Variants in METTL14 observed in about 807,000 individuals in gnomAD.
METTL14 encodes N(6)-adenosine-methyltransferase non-catalytic subunit METTL14.
Under a neutral mutation model 62.4 loss-of-function variants are expected in METTL14, and 32 were observed. That is an observed-to-expected ratio of 0.51 (90% confidence interval 0.39 to 0.69). METTL14 has a LOEUF of 0.69. Among genes scored for constraint, METTL14 ranks in the 30% least tolerant of loss-of-function variants. The pLI, the probability that METTL14 is intolerant of heterozygous loss-of-function variation, is 0.00. For missense variants in METTL14, 340 were observed against 551.9 expected (o/e 0.62, Z 3.85); for synonymous variants, 150 against 180.0 (o/e 0.83, Z 1.34).
At chr4:118,709,645 T>C (rs1453471387) in intron 10 of METTL14, among the ~76,000 whole-genome samples, 1 of 152,162 alleles carries the variant, frequency 6.6e-6, no homozygotes, top group Non-Finnish European at 1.5e-5. Context: ...AATCAGAAAA[T>C]GGCACCATTT....
chr4:118,701,980 A>T (rs1270855810), intron 8 of METTL14, among the ~76,000 whole-genome samples: 2 of 152,138 alleles, frequency 1.3e-5, no homozygotes, highest in African/African-American at 4.8e-5. Context: ...GCTCTTCAAG[A>T]TGCTATAGAA....
intron 10 of METTL14, among the ~76,000 whole-genome samples, chr4:118,709,581 CTG>C (rs1340128625): frequency 6.6e-6 from 1 of 152,106 alleles, no homozygotes; most frequent in Non-Finnish European, 1.5e-5. Context: ...GACCTATCAA[CTG>C]AGAATATTTT....
At position 118,693,304 on chromosome 4, in the gene METTL14, A is replaced by T. The variant is rs541513723; in HGVS notation, c.413-1132A>T. On this transcript the variant is annotated intron_variant, in intron 5 of 10. Transcript: ENST00000388822. Reference sequence around the variant, plus strand: ...ATATCTTTTTTAGAGAAATATCCTAATACTTTGTGTATTTTTAAATTATTT... The same window carrying T: ...ATATCTTTTTTAGAGAAATATCCTATTACTTTGTGTATTTTTAAATTATTT... Among the ~76,000 whole-genome samples the T allele has an allele frequency of 1.1e-4, 16 of 152,216 alleles. No homozygotes were observed. In the East Asian group the frequency reaches 3.1e-3, roughly 29 times the overall value.
chr4:118,706,052 C>T (rs533190772), intron 10 of METTL14, among the ~76,000 whole-genome samples: 1 of 152,296 alleles, frequency 6.6e-6, no homozygotes, highest in South Asian at 2.1e-4. Flanking sequence ...CAGTATCTCC[C>T]AACAGAGTGG....
At chr4:118,708,722 C>T (rs929018393) in intron 10 of METTL14, among the ~76,000 whole-genome samples, 1 of 152,044 alleles carries the variant, frequency 6.6e-6, no homozygotes, top group Non-Finnish European at 1.5e-5. Flanking sequence ...AAGAAATAAC[C>T]TAAGGATGAT....
intron 1 of METTL14, among the ~76,000 whole-genome samples, chr4:118,687,241 T>C (rs887601341): frequency 2.0e-5 from 3 of 152,248 alleles, no homozygotes; most frequent in African/African-American, 7.2e-5. Flanking sequence ...TATTACTTAC[T>C]GGTTGAGCAT....
Position 118,711,680 on chromosome 4 carries a change from C to T in METTL14, c.*1378C>T, listed in dbSNP as rs530040552. On this transcript the variant is annotated 3_prime_UTR_variant, in exon 11 of 11. Coordinates refer to ENST00000388822, the MANE Select transcript of METTL14 (RefSeq NM_020961.4). The stretch of plus-strand genomic sequence containing the variant: ...CCTTAAAAGCCTAATTAATTTAACT[C>T]GCTTAACCCATTAGTACTATCTAGT... 10 of 152,172 alleles carry T rather than the reference C, an allele frequency of 6.6e-5. No individual in the cohort carries two copies. Among genetic ancestry groups the T allele is most frequent in the Admixed American group, 2.6e-4 (4 of 15,278 alleles). The allele number at this position is 152,172 out of a possible 1,614,324, so 9.4% of individuals were successfully genotyped here.
intron 8 of METTL14, 37 bp downstream of exon 8, chr4:118,700,679 A>G: frequency 6.9e-7 from 1 of 1,449,984 alleles, no homozygotes; most frequent in Non-Finnish European, 9.5e-7. Flanking sequence ...TTTTTAAATT[A>G]ATAAGAAAAA....
At chr4:118,699,534 T>C (rs1269027646) in intron 7 of METTL14, among the ~76,000 whole-genome samples, 2 of 152,290 alleles carry the variant, frequency 1.3e-5, no homozygotes, top group East Asian at 3.9e-4. Context: ...CTCATTAAAG[T>C]TGAATATTAA....
chr4:118,685,863 C>G (rs931585398), intron 1 of METTL14, among the ~76,000 whole-genome samples: 1 of 152,132 alleles, frequency 6.6e-6, no homozygotes, highest in Non-Finnish European at 1.5e-5. Flanking sequence ...GAACTCCCAC[C>G]GAGTGTCTGG....
intron 10 of METTL14, among the ~76,000 whole-genome samples, chr4:118,708,576 A>G (rs34815643): frequency 3.2e-4 from 48 of 152,212 alleles, no homozygotes; most frequent in Non-Finnish European, 5.9e-4. Context: ...TACTGTATTC[A>G]TGCACTTTTA....
At chr4:118,688,530 T>C (rs1724147441) in intron 2 of METTL14, among the ~76,000 whole-genome samples, 1 of 152,038 alleles carries the variant, frequency 6.6e-6, no homozygotes, top group Non-Finnish European at 1.5e-5. Context: ...ATCAAAATAA[T>C]GATTTTAGAC....
rs1395698277 is a variant in METTL14, at chr4:118,713,620, T to A, written c.*3318T>A. On this transcript the variant is annotated 3_prime_UTR_variant, in exon 11 of 11. Coordinates refer to ENST00000388822, the MANE Select transcript of METTL14 (RefSeq NM_020961.4). ...ATCTATTAGAAACATAAACCTTTGC[T>A]TATGCAGAAGGTCTTTCTTAGAACA... The A allele has an allele frequency of 6.6e-6, 1 of 152,250 alleles. No individual in the cohort carries two copies. The highest frequency in any genetic ancestry group is 1.5e-5 in the Non-Finnish European group (1 of 68,044). The allele number at this position is 152,250 out of a possible 1,614,324, so 9.4% of individuals were successfully genotyped here. A position where few individuals can be genotyped will look rare whatever the true frequency, so the allele number is the denominator to read the frequency against.
In METTL14 at chr4:118,710,553, C is replaced by T. The variant is rs1579079437; in HGVS notation, c.*251C>T. On this transcript the variant is annotated 3_prime_UTR_variant, in exon 11 of 11. Coordinates refer to ENST00000388822, the MANE Select transcript of METTL14 (RefSeq NM_020961.4). The stretch of plus-strand genomic sequence containing the variant: ...AATGGAACAACTCAAGTAGCTTCAT[C>T]TTCAGAGACTGAATTTATTCTGATA... 2.7e-6 allele frequency: 1 copy of T among 365,694 alleles called. No homozygotes were observed. The highest frequency in any genetic ancestry group is 4.9e-5 in the East Asian group (1 of 20,570). The allele number at this position is 365,694 out of a possible 1,614,324, so 22.7% of individuals were successfully genotyped here. A position where few individuals can be genotyped will look rare whatever the true frequency, so the allele number is the denominator to read the frequency against.
In METTL14 at chr4:118,700,564, A is replaced by C. The variant is rs1234213714; in HGVS notation, c.660A>C (p.Glu220Asp). The part of the protein sequence containing the change: ...CWTWDDIMKL[E>D]IDEIAAPRSF... ...ATTTCTTACAGATTATGAAGTTAGA[A>C]ATTGATGAGATTGCAGCACCTCGAT... The change falls in exon 8 of 11, where the codon GAA becomes GAC. Residue 220 changes from glutamate (E) to aspartate (D), a missense_variant. By Grantham distance (45) the Glu-to-Asp change is conservative (BLOSUM62 2). Around this residue, in one of 7 missense-constraint regions of METTL14, gnomAD observed 58 missense variants for 147.5 expected, o/e 0.39. Transcript: ENST00000388822. 3 of 1,612,618 alleles carry C rather than the reference A, an allele frequency of 1.9e-6. No individual in the cohort carries two copies. Among genetic ancestry groups the C allele is most frequent in the Non-Finnish European group, 2.5e-6 (3 of 1,179,062 alleles).
Position 118,697,254 on chromosome 4 carries a change from AC to A in METTL14, c.581del (p.Pro194LeufsTer2). On this transcript the variant is annotated frameshift_variant, in exon 7 of 11. Transcript: ENST00000388822. LOFTEE classifies it high-confidence loss of function. ...TPKFDVILLE[P>X]PLEEYYRETG... is the part of the protein sequence containing the mutation. ...CCAAATTTGATGTGATTCTTCTGGA[AC>A]CCCCTTTAGAAGAATATTACAGAGA... 1 of 1,611,752 alleles carries A rather than the reference AC, an allele frequency of 6.2e-7. No homozygotes were observed. Among genetic ancestry groups the A allele is most frequent in the Non-Finnish European group, 8.5e-7 (1 of 1,178,720 alleles).
chr4:118,709,713 G>T (rs1724861700), intron 10 of METTL14, among the ~76,000 whole-genome samples: 1 of 152,188 alleles, frequency 6.6e-6, no homozygotes, highest in Non-Finnish European at 1.5e-5. Context: ...CAAACTCAGT[G>T]TAATGTATGG....
chr4:118,705,892 T>C, intron 10 of METTL14, 71 bp downstream of exon 10: 1 of 1,201,376 alleles, frequency 8.3e-7, no homozygotes. Context: ...GACATGGTGC[T>C]GTGTAAAATA....
chr4:118,694,608 C>T, intron 6 of METTL14, 82 bp downstream of exon 6: 1 of 1,029,208 alleles, frequency 9.7e-7, no homozygotes. Context: ...CTTTTTTCTT[C>T]TTCCTAAATT....
Sources: allele counts gnomAD v4.1 joint callset (sites outside exome capture counted in the v4.1 genomes callset), GRCh38; gene constraint gnomAD v4.1.1; regional missense constraint gnomAD v4.1.1; transcripts MANE v1.5; gene names NCBI Gene and HGNC (gene_info 2026-07-23, HGNC 2026-07-21).